Variants in IL36B observed in about 807,000 individuals in gnomAD.
The protein encoded by IL36B is interleukin-36 beta.
A neutral mutation model predicts 19.3 loss-of-function variants in IL36B; 23 were observed. The ratio of observed to expected loss-of-function variants is 1.19; its 90% CI spans 0.86 to 1.69. IL36B has a LOEUF of 1.69. IL36B is among the 40% of genes most tolerant of loss of function. The pLI is 0.00. For synonymous variants in IL36B, 59 were observed against 59.7 expected (o/e 0.99, Z 0.05); for missense variants, 217 against 200.5 (o/e 1.08, Z -0.50).
intron 1 of IL36B, among the ~76,000 whole-genome samples, chr2:113,045,555 T>C (rs977070693): frequency 2.0e-5 from 3 of 152,224 alleles, no homozygotes; most frequent in Non-Finnish European, 4.4e-5. Context: ...AAAAAATCTT[T>C]GTTCCCACCA....
At chr2:113,052,196 C>T (rs1189761319) in intron 1 of IL36B, among the ~76,000 whole-genome samples, 6 of 151,962 alleles carry the variant, frequency 3.9e-5, no homozygotes, top group Non-Finnish European at 7.4e-5. Flanking sequence ...GTGTTCTGCC[C>T]GCCTCTACCT....
At chr2:113,046,201 GTTTTTTCTTTT>G (rs1298534498) in intron 1 of IL36B, among the ~76,000 whole-genome samples, 3 of 145,038 alleles carry the variant, frequency 2.1e-5, no homozygotes, top group East Asian at 2.1e-4. Context: ...GTTTCTTCAG[GTTTTTTCTTTT>G]TTTTTTTTTT....
At chr2:113,028,013 A>T in intron 4 of IL36B, 1 of 1,614,142 alleles carries the variant, frequency 6.2e-7, no homozygotes, top group Non-Finnish European at 8.5e-7. Context: ...CAGCCAGGGT[A>T]AGAGACTGAC....
intron 1 of IL36B, among the ~76,000 whole-genome samples, chr2:113,052,119 T>G (rs1685458454): frequency 6.6e-6 from 1 of 152,002 alleles, no homozygotes; most frequent in East Asian, 1.9e-4. Flanking sequence ...CCAACTAGTT[T>G]TTGTATTTTT....
rs758127645 is a variant in IL36B at position 113,026,104 on chromosome 2, CA to C, written c.389del (p.Val130GlyfsTer29). On this transcript the variant is annotated frameshift_variant and splice_region_variant, in exon 5 of 6. Coordinates refer to ENST00000259213, the MANE Select transcript of IL36B (RefSeq NM_014438.5). LOFTEE classifies it high-confidence loss of function. ...TGGATAAGAGAATTTGCTCCTCACC[CA>C]CTCCTATTCCCCATTGGTCAAGGGT... The C allele has an allele frequency of 2.8e-4, 459 of 1,613,462 alleles. 7 individuals carry two copies. The South Asian group carries it at 4.8e-3, about 17-fold the overall frequency.
At chr2:113,024,687 T>C (rs557228339) in intron 5 of IL36B, among the ~76,000 whole-genome samples, 15 of 152,320 alleles carry the variant, frequency 9.8e-5, no homozygotes, top group African/African-American at 3.4e-4. Flanking sequence ...GGTGGTGTGA[T>C]GTAAGATGGG....
chr2:113,022,485 A>T lies in IL36B; in HGVS notation c.*189T>A. ...GTAGTCCAAATCTACTCCTAAAAAGACTCCGACCTTCTCTAGCTTTACAGG... is the reference window on the plus strand; with the variant it reads ...GTAGTCCAAATCTACTCCTAAAAAGTCTCCGACCTTCTCTAGCTTTACAGG... On this transcript the variant is annotated 3_prime_UTR_variant, in exon 6 of 6. Coordinates refer to ENST00000259213, the MANE Select transcript of IL36B (RefSeq NM_014438.5). 1.9e-6 allele frequency: 1 copy of T among 524,088 alleles called. No individual in the cohort carries two copies. The highest frequency in any genetic ancestry group is 3.4e-5 in the East Asian group (1 of 29,104). 32.5% of individuals were successfully genotyped at this position (524,088 alleles called of 1,614,324 possible).
chr2:113,043,601 G>A (rs569525089), intron 1 of IL36B, among the ~76,000 whole-genome samples: 24 of 152,108 alleles, frequency 1.6e-4, no homozygotes, highest in Non-Finnish European at 2.9e-4. Flanking sequence ...TTGCTCTGTC[G>A]CCCAGGCTGG....
chr2:113,042,039 GAA>G (rs896456060), intron 1 of IL36B, among the ~76,000 whole-genome samples: 4 of 152,198 alleles, frequency 2.6e-5, no homozygotes, highest in African/African-American at 9.7e-5. Context: ...AACATCAGGG[GAA>G]AGAGAGCAGG....
intron 1 of IL36B, among the ~76,000 whole-genome samples, chr2:113,052,160 G>A (rs771502474): frequency 9.2e-5 from 14 of 151,998 alleles, no homozygotes; most frequent in Non-Finnish European, 1.8e-4. Context: ...ATGTTTGCCA[G>A]GCTGGTCTTG....
At chr2:113,052,703 C>G (rs1384885690) in intron 1 of IL36B, 114 bp downstream of exon 1, 3 of 152,242 alleles carry the variant, frequency 2.0e-5, no homozygotes, top group East Asian at 1.9e-4. Flanking sequence ...GCCTTTTTCT[C>G]TCTGCGTTGG....
At position 113,031,766 on chromosome 2, in the gene IL36B, G is replaced by A; in HGVS notation, c.-57C>T. ...AGATAGATCAGATGGTGGTGAGGAG[G>A]CTGTTAACAGTTGGCCATGTGAGAG... On this transcript the variant is annotated splice_region_variant and 5_prime_UTR_variant, in exon 2 of 6. Transcript: ENST00000259213. 5 of 1,390,108 alleles carry A rather than the reference G, an allele frequency of 3.6e-6. No individual in the cohort carries two copies. Among genetic ancestry groups the A allele is most frequent in the South Asian group, 1.2e-5 (1 of 84,618 alleles). The allele number at this position is 1,390,108 out of a possible 1,614,324, so 86.1% of individuals were successfully genotyped here. A position where few individuals can be genotyped will look rare whatever the true frequency, so the allele number is the denominator to read the frequency against.
chr2:113,026,585 G>C (rs1684966234), intron 4 of IL36B, among the ~76,000 whole-genome samples: 2 of 152,188 alleles, frequency 1.3e-5, no homozygotes, highest in African/African-American at 4.8e-5. Flanking sequence ...ATTTATTGCA[G>C]TATACATGTA....
intron 1 of IL36B, among the ~76,000 whole-genome samples, chr2:113,036,157 C>T (rs546999517): frequency 3.4e-4 from 51 of 152,090 alleles, no homozygotes; most frequent in Admixed American, 1.5e-3. Context: ...TGTTGGCCAG[C>T]CTGGTCTTGA....
Position 113,031,100 on chromosome 2 carries a change from G to A in IL36B, c.69C>T (p.Val23=), listed in dbSNP as rs1477770293. ...CTGCTATTAAAGAATTTCCACTCAG[G>A]ACCCACACCATCTGTCGAGAATCAC... Residue 23 remains valine, a synonymous_variant, in exon 3 of 6, where the codon GTC becomes GTT. Coordinates refer to ENST00000259213, the MANE Select transcript of IL36B (RefSeq NM_014438.5). 3.1e-6 allele frequency: 5 copies of A among 1,614,144 alleles called. No homozygotes were observed. Among genetic ancestry groups the A allele is most frequent in the Non-Finnish European group, 4.2e-6 (5 of 1,180,000 alleles).
intron 1 of IL36B, among the ~76,000 whole-genome samples, chr2:113,046,989 A>T (rs940613138): frequency 6.6e-6 from 1 of 152,206 alleles, no homozygotes; most frequent in Non-Finnish European, 1.5e-5. Context: ...ATTATTTTGC[A>T]TGGGAGATTA....
chr2:113,032,411 A>G (rs1452216371), intron 1 of IL36B, among the ~76,000 whole-genome samples: 2 of 152,076 alleles, frequency 1.3e-5, no homozygotes, highest in African/African-American at 4.8e-5. Context: ...GTCCCCAAGA[A>G]TATCACAGAC....
chr2:113,030,708 G>A (rs915836912), intron 3 of IL36B, among the ~76,000 whole-genome samples: 1 of 151,794 alleles, frequency 6.6e-6, no homozygotes, highest in East Asian at 1.9e-4. Context: ...AAAGATGACG[G>A]AGTTTGAATC....
At chr2:113,036,377 T>C (rs967450977) in intron 1 of IL36B, among the ~76,000 whole-genome samples, 2 of 149,926 alleles carry the variant, frequency 1.3e-5, no homozygotes, top group Middle Eastern at 3.2e-3. Flanking sequence ...TTTCATGAAG[T>C]GGGTGCTGAG....
Sources: gnomAD v4.1 joint callset for allele counts (sites outside exome capture counted in the v4.1 genomes callset) on GRCh38, gnomAD v4.1.1 for gene constraint, MANE v1.5 for transcripts, NCBI Gene and HGNC (gene_info 2026-07-23, HGNC 2026-07-21) for gene names.